COL27A1: variants seen among roughly 807,000 people sequenced by gnomAD.
The protein encoded by COL27A1 is collagen alpha-1(XXVII) chain.
COL27A1 carries 106 observed loss-of-function variants against 251.3 expected under a neutral mutation model. The observed-to-expected ratio is 0.42, with a 90% CI of 0.36 to 0.50. The LOEUF (loss-of-function observed/expected upper bound fraction) is 0.50, where lower values mean the gene tolerates loss of function less well. Among genes scored for constraint, COL27A1 ranks in the 20% least tolerant of loss-of-function variants. The probability of loss-of-function intolerance (pLI) is 0.00; values close to 1 mark genes in which losing one functional copy is unlikely to be tolerated. For synonymous variants in COL27A1, 1,000 were observed against 986.3 expected (o/e 1.01, Z -0.26); for missense variants, 2,325 against 2,522.8 (o/e 0.92, Z 1.68).
intron 5 of COL27A1, among the ~76,000 whole-genome samples, chr9:114,185,176 C>T (rs530745209): frequency 6.6e-6 from 1 of 152,326 alleles, no homozygotes; most frequent in South Asian, 2.1e-4. Context: ...CACTGAGGCT[C>T]CTCCCTAGCA....
chr9:114,206,429 A>C (rs994044706), intron 10 of COL27A1, 133 bp downstream of exon 10: 3 of 880,628 alleles, frequency 3.4e-6, no homozygotes, highest in Non-Finnish European at 5.5e-6. Flanking sequence ...CCCGGACAAC[A>C]GAGGGGCAGC....
intron 4 of COL27A1, among the ~76,000 whole-genome samples, chr9:114,179,819 C>T (rs115245207): frequency 0.016 from 2,378 of 150,422 alleles, 69 homozygotes; most frequent in African/African-American, 0.055. Context: ...AGTCTGCCTC[C>T]AGAGCCTACC....
At chr9:114,258,686 C>G in intron 28 of COL27A1, 92 bp downstream of exon 28, 1 of 1,307,580 alleles carries the variant, frequency 7.6e-7, no homozygotes, top group Non-Finnish European at 1.1e-6. Context: ...GGGCTTTGCC[C>G]CTAGCCCAGC....
rs927244276 is a variant in COL27A1, at chr9:114,164,586, G to A, written c.133+1801G>A. On this transcript the variant is annotated intron_variant, in intron 2 of 60. Transcript: ENST00000356083. ...GCCCTAAATTCCATGTGTGGAGAAA[G>A]ATGTGAGCAGGCCTGAGGGGCCCTC... Among the ~76,000 whole-genome samples, 4 of 152,336 alleles carry A rather than the reference G, an allele frequency of 2.6e-5. No individual in the cohort carries two copies. The South Asian group carries it at 8.3e-4, about 32-fold the overall frequency.
chr9:114,191,952 G>T (rs994395090), intron 5 of COL27A1, among the ~76,000 whole-genome samples: 8 of 152,166 alleles, frequency 5.3e-5, no homozygotes, highest in African/African-American at 1.9e-4. Flanking sequence ...TGGTCTCTCT[G>T]GTTTTTCCAT....
At chr9:114,163,148 C>T (rs1428252318) in intron 2 of COL27A1, among the ~76,000 whole-genome samples, 5 of 152,052 alleles carry the variant, frequency 3.3e-5, no homozygotes, top group African/African-American at 9.7e-5. Context: ...GCAGGAGAAT[C>T]GCTTCAACCC....
Position 114,168,995 on chromosome 9 carries a change from A to G in COL27A1, c.1440A>G (p.Lys480=). 1 of 1,611,896 alleles carries G rather than the reference A, an allele frequency of 6.2e-7. No homozygotes were observed. Among genetic ancestry groups the G allele is most frequent in the South Asian group, 1.1e-5 (1 of 90,968 alleles). ...KPASARTSTH[K]PPPFTALSSS... ...CCTCTGCCCGCACCAGCACCCACAA[A>G]CCTCCCCCATTTACTGCTTTATCCT... The change falls in exon 3 of 61, where the codon AAA becomes AAG. Residue 480 remains lysine, a synonymous_variant. Transcript: ENST00000356083.
chr9:114,282,724 T>G (rs918040206), intron 39 of COL27A1, among the ~76,000 whole-genome samples, 160 bp downstream of exon 39: 1 of 152,162 alleles, frequency 6.6e-6, no homozygotes, highest in Non-Finnish European at 1.5e-5. Flanking sequence ...GAATCATGAA[T>G]CGCTTTGGTA....
At position 114,168,513 on chromosome 9, in the gene COL27A1, AC is replaced by A; in HGVS notation, c.962del (p.Pro321ArgfsTer137). The A allele has an allele frequency of 6.2e-7, 1 of 1,613,248 alleles. No individual in the cohort carries two copies. The highest frequency in any genetic ancestry group is 8.5e-7 in the Non-Finnish European group (1 of 1,179,736). On this transcript the variant is annotated frameshift_variant, in exon 3 of 61. Transcript: ENST00000356083. LOFTEE classifies it high-confidence loss of function. ...TATGGCGGTGGGAGGCCCAGCCCAAACCCCGCTGCTACCTGCCAAGCTGTCA... is the reference window on the plus strand; with the variant it reads ...TATGGCGGTGGGAGGCCCAGCCCAAACCCGCTGCTACCTGCCAAGCTGTCA... ...QHMAVGGPAQ[T>X]PLLPAKLSAS...
At chr9:114,156,146 C>T in intron 1 of COL27A1, 134 bp downstream of exon 1, 1 of 1,231,898 alleles carries the variant, frequency 8.1e-7, no homozygotes, top group South Asian at 3.3e-5. Context: ...CCCCGCGAGG[C>T]GGGACGCCAA....
chr9:114,204,128 G>A (rs558185110), intron 7 of COL27A1, among the ~76,000 whole-genome samples: 1 of 152,164 alleles, frequency 6.6e-6, no homozygotes, highest in South Asian at 2.1e-4. Flanking sequence ...CAAATTCTAG[G>A]GTTCTAAAAC....
At chr9:114,275,338 G>C (rs960688170) in intron 36 of COL27A1, among the ~76,000 whole-genome samples, 2 of 152,104 alleles carry the variant, frequency 1.3e-5, no homozygotes, top group African/African-American at 4.8e-5. Context: ...AATTGCCCTT[G>C]TCTCCTGTGA....
chr9:114,167,730 GC>G lies in COL27A1; in HGVS notation c.177del (p.Ser61AlafsTer42). 1 of 1,613,682 alleles carries G rather than the reference GC, an allele frequency of 6.2e-7. No individual in the cohort carries two copies. The highest frequency in any genetic ancestry group is 8.5e-7 in the Non-Finnish European group (1 of 1,179,872). On this transcript the variant is annotated frameshift_variant, in exon 3 of 61. Coordinates refer to ENST00000356083, the MANE Select transcript of COL27A1 (RefSeq NM_032888.4). LOFTEE classifies it high-confidence loss of function. Reference sequence around the variant, plus strand: ...GCGGCTGGGCCTCAGCTGGACGAAGGCCGGGAGCCCTGCACCCCCGGGAGTC... The same window carrying G: ...GCGGCTGGGCCTCAGCTGGACGAAGGCGGGAGCCCTGCACCCCCGGGAGTC... ...LQRLGLSWTK[A>X]GSPAPPGVIP... is the part of the protein sequence containing the mutation.
At chr9:114,258,618 G>A (rs1167128242) in intron 28 of COL27A1, 24 bp downstream of exon 28, 20 of 1,611,848 alleles carry the variant, frequency 1.2e-5, no homozygotes, top group Non-Finnish European at 1.6e-5. Context: ...AGCTCCTGGG[G>A]GCTGATGCTG....
intron 16 of COL27A1, among the ~76,000 whole-genome samples, chr9:114,233,026 G>T (rs1229430984): frequency 1.3e-5 from 2 of 152,150 alleles, no homozygotes; most frequent in Non-Finnish European, 2.9e-5. Context: ...AGCCAAGATC[G>T]TGCCACTGCA....
At chr9:114,231,689 C>T (rs1318768888) in intron 15 of COL27A1, 133 bp from the exon 16 acceptor site, 3 of 868,752 alleles carry the variant, frequency 3.5e-6, no homozygotes, top group East Asian at 2.4e-5. Context: ...GTCATTTGCC[C>T]CCTTTTACAG....
intron 5 of COL27A1, among the ~76,000 whole-genome samples, chr9:114,190,347 C>G (rs2135218891): frequency 6.6e-6 from 1 of 152,292 alleles, no homozygotes; most frequent in Admixed American, 6.5e-5. Flanking sequence ...TCATAGCTCA[C>G]TGCAGCCTTG....
Position 114,169,093 on chromosome 9 carries a change from G to C in COL27A1, c.1538G>C (p.Gly513Ala). Residue 513 changes from glycine to alanine, a missense_variant, in exon 3 of 61, where the codon GGC (glycine) becomes GCC (alanine). By Grantham distance (60) the Gly-to-Ala change is moderately conservative (BLOSUM62 0). Around this residue, in one of 4 missense-constraint regions of COL27A1, gnomAD observed 1,183 missense variants for 1,144.1 expected, o/e 1.03. Transcript: ENST00000356083. ...GCCACGATGGTACCTCCAACTTCGGGCACCAGCACTCCCAGAACAGCACCT... is the reference window on the plus strand; with the variant it reads ...GCCACGATGGTACCTCCAACTTCGGCCACCAGCACTCCCAGAACAGCACCT... ...PPATMVPPTS[G>A]TSTPRTAPAV... 2 of 1,613,978 alleles carry C rather than the reference G, an allele frequency of 1.2e-6. No homozygotes were observed. The highest frequency in any genetic ancestry group is 1.7e-6 in the Non-Finnish European group (2 of 1,179,956).
chr9:114,223,526 T>C (rs1460923431), intron 14 of COL27A1, among the ~76,000 whole-genome samples: 1 of 152,164 alleles, frequency 6.6e-6, no homozygotes, highest in Non-Finnish European at 1.5e-5. Flanking sequence ...CTGACTTTGC[T>C]ACCTCCTGAC....
Sources: allele counts gnomAD v4.1 joint callset (sites outside exome capture counted in the v4.1 genomes callset), GRCh38; gene constraint gnomAD v4.1.1; regional missense constraint gnomAD v4.1.1; transcripts MANE v1.5; gene names NCBI Gene and HGNC (gene_info 2026-07-23, HGNC 2026-07-21).